The following SLC5A12 variants were observed in gnomAD, a reference collection of about 807,000 sequenced individuals.
The protein encoded by SLC5A12 is solute carrier family 5 member 12.
In SLC5A12, 46 loss-of-function variants were observed where a neutral mutation model predicts 72.7. The ratio of observed to expected loss-of-function variants is 0.63; its 90% CI spans 0.50 to 0.81. The LOEUF (loss-of-function observed/expected upper bound fraction) is 0.81. SLC5A12 is among the 30% of genes least tolerant of loss of function. The pLI is 0.00. For synonymous variants in SLC5A12, 275 were observed against 264.4 expected (o/e 1.04, Z -0.39); for missense variants, 683 against 740.7 (o/e 0.92, Z 0.90).
chr11:26,706,883 AAAT>A (rs1392311948), intron 4 of SLC5A12, among the ~76,000 whole-genome samples: 4 of 150,508 alleles, frequency 2.7e-5, no homozygotes, highest in African/African-American at 9.7e-5. Context: ...ATAAATTATA[AAAT>A]AATGGTTATC....
intron 8 of SLC5A12, among the ~76,000 whole-genome samples, chr11:26,694,604 T>C (rs1487239908): frequency 1.3e-5 from 2 of 152,090 alleles, no homozygotes; most frequent in Non-Finnish European, 2.9e-5. Flanking sequence ...ACAATATTAG[T>C]AAAAACAAGT....
intron 13 of SLC5A12, among the ~76,000 whole-genome samples, chr11:26,676,329 A>T (rs926119552): frequency 2.0e-5 from 3 of 151,890 alleles, no homozygotes; most frequent in Non-Finnish European, 2.9e-5. Context: ...GTTAAAAGCA[A>T]ATAAATGGGC....
intron 13 of SLC5A12, among the ~76,000 whole-genome samples, chr11:26,677,463 C>T (rs778727469): frequency 6.6e-6 from 1 of 152,118 alleles, no homozygotes; most frequent in Non-Finnish European, 1.5e-5. Flanking sequence ...CAGCTGAAAT[C>T]TTGGTTGTCT....
Position 26,721,466 on chromosome 11 carries a change from G to A in SLC5A12, c.249C>T (p.Val83=). The A allele has an allele frequency of 6.2e-7, 1 of 1,614,136 alleles. No homozygotes were observed. The highest frequency in any genetic ancestry group is 8.5e-7 in the Non-Finnish European group (1 of 1,180,030). Residue 83 remains valine, a synonymous_variant, in exon 1 of 15, where the codon GTC becomes GTT. Transcript: ENST00000396005. ...EVYRFGASFL[V]FFIAYLFVIL... ...TGACAAATAGGTAAGCAATGAAGAA[G>A]ACTAGGAAGGATGCCCCAAAGCGGT...
At chr11:26,688,164 G>A (rs1389535481) in intron 9 of SLC5A12, among the ~76,000 whole-genome samples, 1 of 152,160 alleles carries the variant, frequency 6.6e-6, no homozygotes, top group Non-Finnish European at 1.5e-5. Flanking sequence ...ATGCTAGGCA[G>A]GAAGTTTAGG....
intron 14 of SLC5A12, among the ~76,000 whole-genome samples, chr11:26,671,951 G>A (rs905722043): frequency 1.3e-5 from 2 of 152,130 alleles, no homozygotes; most frequent in African/African-American, 4.8e-5. Flanking sequence ...TTTCTCAAAA[G>A]TATAGATTGT....
Position 26,692,537 on chromosome 11 carries a change from A to T in SLC5A12, c.1105T>A (p.Phe369Ile), listed in dbSNP as rs780295024. The T allele has an allele frequency of 1.9e-6, 3 of 1,613,988 alleles. No homozygotes were observed. The highest frequency in any genetic ancestry group is 2.5e-6 in the Non-Finnish European group (3 of 1,179,972). ...CTCAGCTTGTCGGAGAGATGAGGAA[A>T]ACAGCTCTTGACAAAATCCTCAAAG... ...VTFEDFVKSC[F>I]PHLSDKLSTW... The change falls in exon 9 of 15, where the codon TTT (phenylalanine) becomes ATT (isoleucine). Residue 369 changes from phenylalanine to isoleucine, a missense_variant. Transcript: ENST00000396005.
At chr11:26,717,694 T>A (rs987528252) in intron 1 of SLC5A12, among the ~76,000 whole-genome samples, 3 of 152,202 alleles carry the variant, frequency 2.0e-5, no homozygotes, top group Non-Finnish European at 2.9e-5. Flanking sequence ...AAATTTATTA[T>A]TTCTCATAAC....
chr11:26,676,013 G>C (rs1301627826), intron 13 of SLC5A12, among the ~76,000 whole-genome samples: 1 of 151,976 alleles, frequency 6.6e-6, no homozygotes, highest in Non-Finnish European at 1.5e-5. Context: ...GTGTGACAAA[G>C]AGGAGAGAGA....
chr11:26,712,631 G>T lies in SLC5A12; in HGVS notation c.405+10C>A. On this transcript the variant is annotated intron_variant, in intron 2 of 14. Transcript: ENST00000396005. Reference sequence around the variant, plus strand: ...CAGTTTCCACATCTGCAGCAGCCATGACCACTTACCGTCTGTACAATGTAG... The same window carrying T: ...CAGTTTCCACATCTGCAGCAGCCATTACCACTTACCGTCTGTACAATGTAG... 6.6e-7 allele frequency: 1 copy of T among 1,521,434 alleles called. No homozygotes were observed. The highest frequency in any genetic ancestry group is 1.3e-5 in the South Asian group (1 of 77,064). The allele number at this position is 1,521,434 out of a possible 1,614,324, so 94.2% of individuals were successfully genotyped here. A position where few individuals can be genotyped will look rare whatever the true frequency, so the allele number is the denominator to read the frequency against.
At chr11:26,701,268 G>A (rs1854951837) in intron 6 of SLC5A12, among the ~76,000 whole-genome samples, 2 of 152,108 alleles carry the variant, frequency 1.3e-5, no homozygotes, top group Admixed American at 1.3e-4. Context: ...GATTCTCTCA[G>A]GGAACCCTTT....
intron 6 of SLC5A12, among the ~76,000 whole-genome samples, chr11:26,702,410 T>C (rs1854978362): frequency 1.3e-5 from 2 of 152,198 alleles, no homozygotes; most frequent in Non-Finnish European, 2.9e-5. Context: ...AAACTGTGCA[T>C]TGAAAGCATT....
chr11:26,679,396 A>T lies in SLC5A12; in HGVS notation c.1476-581T>A, dbSNP rs140960606. On this transcript the variant is annotated intron_variant, in intron 12 of 14. Coordinates refer to ENST00000396005, the MANE Select transcript of SLC5A12 (RefSeq NM_178498.4). ...TCTAAGAAGAGAATACAGTAAGTAT[A>T]GGCAGGAGGGAAGAATCAACATGGT... Among the ~76,000 whole-genome samples the T allele has an allele frequency of 5.3e-3, 808 of 152,286 alleles. 7 individuals carry two copies. The highest frequency in any genetic ancestry group is 0.018 in the African/African-American group (762 of 41,576).
At position 26,669,634 on chromosome 11, in the gene SLC5A12, CTGTTT is replaced by C. The variant is rs1854093948; in HGVS notation, c.*1463_*1467del. ...CTCTGTTTTATAAACTCCAGTTTCT[CTGTTT>C]TAATTCCTCCACTGATTTGTCTGTC... is the stretch of plus-strand genomic sequence containing the variant. On this transcript the variant is annotated 3_prime_UTR_variant, in exon 15 of 15. Transcript: ENST00000396005. 1 of 151,920 alleles carries C rather than the reference CTGTTT, an allele frequency of 6.6e-6. No individual in the cohort carries two copies. Among genetic ancestry groups the C allele is most frequent in the African/African-American group, 2.4e-5 (1 of 41,372 alleles). 9.4% of individuals were successfully genotyped at this position (151,920 alleles called of 1,614,324 possible).
chr11:26,711,739 A>G lies in SLC5A12; in HGVS notation c.406-381T>C, dbSNP rs1466714956. ...TTCATGAGGAGCTTTACTAAGCAAC[A>G]GAAGCATATTTTAGCAGTTTGCTGA... On this transcript the variant is annotated intron_variant, in intron 2 of 14. Coordinates refer to ENST00000396005, the MANE Select transcript of SLC5A12 (RefSeq NM_178498.4). 2.6e-5 allele frequency among the ~76,000 whole-genome samples: 4 copies of G among 152,248 alleles called. No individual in the cohort carries two copies. In the East Asian group the frequency reaches 7.7e-4, roughly 29 times the overall value.
At chr11:26,691,606 T>C (rs1854677151) in intron 9 of SLC5A12, 1 of 152,152 alleles carries the variant, frequency 6.6e-6, no homozygotes, top group South Asian at 2.1e-4. Flanking sequence ...AATAACATGA[T>C]ATGTTATTGT....
At chr11:26,705,925 TACAC>T (rs71047876) in intron 4 of SLC5A12, among the ~76,000 whole-genome samples, 25,885 of 129,078 alleles carry the variant, frequency 0.2, 2,748 homozygotes, top group Middle Eastern at 0.28. Flanking sequence ...TTCTCTGTCA[TACAC>T]ACACACACAC....
chr11:26,671,552 T>TAATA, intron 14 of SLC5A12, among the ~76,000 whole-genome samples: 1 of 152,116 alleles, frequency 6.6e-6, no homozygotes, highest in South Asian at 2.1e-4. Context: ...GTAGTAGTAT[T>TAATA]ACCTTATAAG....
At chr11:26,703,146 A>G (rs914601851) in intron 6 of SLC5A12, among the ~76,000 whole-genome samples, 1 of 152,158 alleles carries the variant, frequency 6.6e-6, no homozygotes, top group African/African-American at 2.4e-5. Flanking sequence ...TTACCTTTTA[A>G]CCCATGAAAA....
Sources: allele counts gnomAD v4.1 joint callset (sites outside exome capture counted in the v4.1 genomes callset), GRCh38; gene constraint gnomAD v4.1.1; transcripts MANE v1.5; gene names NCBI Gene and HGNC (gene_info 2026-07-23, HGNC 2026-07-21).